The following SCN9A variants were observed in gnomAD, a reference collection of about 807,000 sequenced individuals.
SCN9A encodes sodium voltage-gated channel alpha subunit 9.
SCN9A carries 131 observed loss-of-function variants against 187.0 expected under a neutral mutation model. The ratio of observed to expected loss-of-function variants is 0.70; its 90% CI spans 0.61 to 0.81. SCN9A has a LOEUF of 0.81. Among genes scored for constraint, SCN9A ranks in the 30% least tolerant of loss-of-function variants. SCN9A has a pLI of 0.00. For missense variants in SCN9A, 2,252 were observed against 2,396.6 expected, an observed-to-expected ratio of 0.94 and a Z score of 1.26; for synonymous variants, 809 against 808.6, an observed-to-expected ratio of 1.00 and a Z score of -0.01.
intron 10 of SCN9A, 95 bp downstream of exon 10, chr2:166,288,342 T>C: frequency 1.1e-6 from 1 of 928,816 alleles, no homozygotes; most frequent in Non-Finnish European, 1.6e-6. Context: ...TTAAAGAAAA[T>C]CTAGCTGGAG....
At chr2:166,240,210 A>G (rs1352714020) in intron 19 of SCN9A, among the ~76,000 whole-genome samples, 1 of 152,186 alleles carries the variant, frequency 6.6e-6, no homozygotes, top group Non-Finnish European at 1.5e-5. Flanking sequence ...AAATGAGAAA[A>G]TCTAAAAGAA....
intron 1 of SCN9A, among the ~76,000 whole-genome samples, chr2:166,347,410 A>G (rs1479288229): frequency 1.3e-5 from 2 of 152,170 alleles, no homozygotes; most frequent in Non-Finnish European, 2.9e-5. Flanking sequence ...TGCTCTTAGA[A>G]AGCTCTTGAC....
At chr2:166,234,446 T>G (rs1695224727) in intron 20 of SCN9A, among the ~76,000 whole-genome samples, 1 of 152,160 alleles carries the variant, frequency 6.6e-6, no homozygotes, top group African/African-American at 2.4e-5. Context: ...AGAGCCAACT[T>G]TATATATTTA....
Position 166,299,099 on chromosome 2 carries a change from A to T in SCN9A, c.901+3991T>A, listed in dbSNP as rs1698443116. On this transcript the variant is annotated intron_variant, in intron 7 of 26. Coordinates refer to ENST00000642356, the MANE Select transcript of SCN9A (RefSeq NM_001365536.1). ...TTCGGTGGAGCTGTCGCTCCCCTTT[A>T]CTCTTTCACTTTCACGAGGACTTGA... is the stretch of plus-strand genomic sequence containing the variant. 2.7e-5 allele frequency among the ~76,000 whole-genome samples: 4 copies of T among 150,692 alleles called. 1 individual carries two copies. The South Asian group carries it at 8.5e-4, about 32-fold the overall frequency.
intron 7 of SCN9A, among the ~76,000 whole-genome samples, chr2:166,297,710 A>T (rs2106512356): frequency 6.6e-6 from 1 of 152,114 alleles, no homozygotes; most frequent in Admixed American, 6.5e-5. Context: ...CACAACTCTG[A>T]GTATAGTTTA....
chr2:166,230,119 A>G (rs1158541902), intron 21 of SCN9A, among the ~76,000 whole-genome samples: 3 of 152,056 alleles, frequency 2.0e-5, no homozygotes, highest in Admixed American at 1.3e-4. Context: ...CGTTGCAACT[A>G]TTCAACTCTG....
intron 13 of SCN9A, among the ~76,000 whole-genome samples, chr2:166,280,797 A>T (rs1244651749): frequency 6.6e-6 from 1 of 152,198 alleles, no homozygotes; most frequent in Admixed American, 6.6e-5. Context: ...AGCATAAGAG[A>T]GGGTAAGGAA....
At chr2:166,234,744 C>G (rs115968156) in intron 20 of SCN9A, among the ~76,000 whole-genome samples, 3,137 of 152,088 alleles carry the variant, frequency 0.021, 116 homozygotes, top group African/African-American at 0.072. Flanking sequence ...CCTCTTTAAT[C>G]AGAAAATTTT....
chr2:166,216,641 AAAAT>A (rs1694343167), intron 24 of SCN9A, among the ~76,000 whole-genome samples: 1 of 152,020 alleles, frequency 6.6e-6, no homozygotes, highest in Non-Finnish European at 1.5e-5. Context: ...AAACAGCATC[AAAAT>A]AAATAAATAA....
In SCN9A at chr2:166,197,059, A is replaced by T. The variant is rs1693266726; in HGVS notation, c.*1613T>A. On this transcript the variant is annotated 3_prime_UTR_variant, in exon 27 of 27. Transcript: ENST00000642356. ...CTTTAAACATTTATTATATAAATGT[A>T]ATTTATTATTTTTTAAATATGGAAA... is the stretch of plus-strand genomic sequence containing the variant. The T allele has an allele frequency of 6.6e-6, 1 of 150,752 alleles. No individual in the cohort carries two copies. Among genetic ancestry groups the T allele is most frequent in the Non-Finnish European group, 1.5e-5 (1 of 67,228 alleles). The allele number at this position is 150,752 out of a possible 1,614,324, so 9.3% of individuals were successfully genotyped here.
At chr2:166,208,420 C>T (rs1432110514) in intron 24 of SCN9A, among the ~76,000 whole-genome samples, 1 of 152,140 alleles carries the variant, frequency 6.6e-6, no homozygotes, top group African/African-American at 2.4e-5. Context: ...GGTAAGTCTT[C>T]ATTAAATTTT....
intron 16 of SCN9A, among the ~76,000 whole-genome samples, chr2:166,273,449 CT>C (rs34164617): frequency 0.37 from 56,609 of 151,890 alleles, 10,661 homozygotes; most frequent in Non-Finnish European, 0.4. Flanking sequence ...CTTAATGTGA[CT>C]TTTAAAGCAC....
chr2:166,249,123 C>G (rs1414211150), intron 18 of SCN9A, among the ~76,000 whole-genome samples: 1 of 152,006 alleles, frequency 6.6e-6, no homozygotes, highest in Non-Finnish European at 1.5e-5. Flanking sequence ...TTTGCACGGC[C>G]CCCTTCAATT....
intron 24 of SCN9A, among the ~76,000 whole-genome samples, chr2:166,223,209 G>A (rs1694700047): frequency 6.6e-6 from 1 of 152,066 alleles, no homozygotes; most frequent in African/African-American, 2.4e-5. Flanking sequence ...TGCCACATCT[G>A]AGCATATTTT....
At chr2:166,241,558 G>A (rs770902740) in intron 19 of SCN9A, among the ~76,000 whole-genome samples, 1 of 152,072 alleles carries the variant, frequency 6.6e-6, no homozygotes, top group Non-Finnish European at 1.5e-5. Context: ...CTGAATATCT[G>A]ATGCTGTTTT....
chr2:166,204,593 G>C, intron 24 of SCN9A, 129 bp from the exon 25 acceptor site: 1 of 509,484 alleles, frequency 2.0e-6, no homozygotes, highest in Non-Finnish European at 3.4e-6. Context: ...GTTCATGATA[G>C]CTATACATAA....
At chr2:166,260,410 T>C (rs1467953692) in intron 17 of SCN9A, among the ~76,000 whole-genome samples, 3 of 151,920 alleles carry the variant, frequency 2.0e-5, no homozygotes, top group Non-Finnish European at 4.4e-5. Context: ...TTCTCCATAC[T>C]GTAAGGTCTG....
At chr2:166,334,844 T>C (rs1699589412) in intron 1 of SCN9A, among the ~76,000 whole-genome samples, 1 of 152,170 alleles carries the variant, frequency 6.6e-6, no homozygotes, top group South Asian at 2.1e-4. Flanking sequence ...CTTAAAACCT[T>C]GTATGATATA....
chr2:166,351,323 A>T (rs1469840161), intron 1 of SCN9A, among the ~76,000 whole-genome samples: 1 of 152,236 alleles, frequency 6.6e-6, no homozygotes, highest in East Asian at 1.9e-4. Context: ...CATACAACTT[A>T]TCATGAAAAA....
Sources: gnomAD v4.1 joint callset for allele counts (sites outside exome capture counted in the v4.1 genomes callset) on GRCh38, gnomAD v4.1.1 for gene constraint, MANE v1.5 for transcripts, NCBI Gene and HGNC (gene_info 2026-07-23, HGNC 2026-07-21) for gene names.